The following KIF18A variants were observed in gnomAD, a reference collection of about 807,000 sequenced individuals.
KIF18A encodes the protein kinesin family member 18A.
A neutral mutation model predicts 103.3 loss-of-function variants in KIF18A; 67 were observed. The ratio of observed to expected loss-of-function variants is 0.65; its 90% CI spans 0.53 to 0.79. The LOEUF (loss-of-function observed/expected upper bound fraction) is 0.79, where lower values mean the gene tolerates loss of function less well. Among genes scored for constraint, KIF18A ranks in the 30% least tolerant of loss-of-function variants. The pLI, the probability that KIF18A is intolerant of heterozygous loss-of-function variation, is 0.00. For synonymous variants in KIF18A, 367 were observed against 355.5 expected, an observed-to-expected ratio of 1.03 and a Z score of -0.36; for missense variants, 1,032 against 1,062.5, an observed-to-expected ratio of 0.97 and a Z score of 0.40.
chr11:28,031,244 G>A (rs1191800962), intron 15 of KIF18A, among the ~76,000 whole-genome samples: 1 of 152,134 alleles, frequency 6.6e-6, no homozygotes. Context: ...TATGTTTATT[G>A]CGGCACTATT....
At chr11:28,077,612 C>T (rs758877847) in intron 9 of KIF18A, among the ~76,000 whole-genome samples, 6 of 152,096 alleles carry the variant, frequency 3.9e-5, no homozygotes, top group African/African-American at 9.7e-5. Context: ...GTTGGCTCAC[C>T]GTGAAGGAAT....
At chr11:28,104,651 A>G (rs576943310) in intron 1 of KIF18A, among the ~76,000 whole-genome samples, 1 of 152,262 alleles carries the variant, frequency 6.6e-6, no homozygotes, top group Non-Finnish European at 1.5e-5. Context: ...AGTATATGTT[A>G]TCTGGTTACA....
intron 15 of KIF18A, among the ~76,000 whole-genome samples, chr11:28,029,223 CAA>C (rs1850362857): frequency 6.6e-6 from 1 of 151,802 alleles, no homozygotes; most frequent in Non-Finnish European, 1.5e-5. Flanking sequence ...AGAGACACAA[CAA>C]AAAAAGAGAA....
At chr11:28,027,043 G>A (rs1353319501) in intron 15 of KIF18A, among the ~76,000 whole-genome samples, 1 of 151,804 alleles carries the variant, frequency 6.6e-6, no homozygotes, top group East Asian at 1.9e-4. Flanking sequence ...GACAAGGACA[G>A]ATATTAAATT....
intron 11 of KIF18A, among the ~76,000 whole-genome samples, chr11:28,065,080 T>C (rs991030905): frequency 1.3e-5 from 2 of 151,988 alleles, no homozygotes; most frequent in Non-Finnish European, 2.9e-5. Flanking sequence ...TAATGGGGCA[T>C]AGGAGTCTGC....
intron 1 of KIF18A, among the ~76,000 whole-genome samples, chr11:28,102,580 A>G (rs1293523795): frequency 6.6e-6 from 1 of 152,202 alleles, no homozygotes; most frequent in African/African-American, 2.4e-5. Flanking sequence ...AATATTTTAC[A>G]GAGTTTGACT....
At chr11:28,106,277 CAAT>C (rs1216167074) in intron 1 of KIF18A, among the ~76,000 whole-genome samples, 5 of 152,110 alleles carry the variant, frequency 3.3e-5, no homozygotes, top group African/African-American at 1.2e-4. Context: ...TGCTTCCAAA[CAAT>C]GATACAGAAG....
At chr11:28,078,120 A>T (rs1851119410) in intron 9 of KIF18A, among the ~76,000 whole-genome samples, 1 of 152,192 alleles carries the variant, frequency 6.6e-6, no homozygotes, top group Non-Finnish European at 1.5e-5. Context: ...TGCATTTAAA[A>T]AAAATGTTCT....
At chr11:28,039,250 T>C (rs1021732161) in intron 13 of KIF18A, among the ~76,000 whole-genome samples, 3 of 151,726 alleles carry the variant, frequency 2.0e-5, no homozygotes, top group Admixed American at 6.6e-5. Context: ...GAGTTGTAAT[T>C]TACTTTCCAA....
chr11:28,073,780 A>G (rs984560911), intron 10 of KIF18A, among the ~76,000 whole-genome samples: 9 of 152,150 alleles, frequency 5.9e-5, no homozygotes, highest in African/African-American at 2.2e-4. Context: ...GTATGTAAAT[A>G]ATTGAAGGAC....
chr11:28,070,959 T>C (rs1051710979), intron 10 of KIF18A, among the ~76,000 whole-genome samples: 1 of 152,192 alleles, frequency 6.6e-6, no homozygotes, highest in Non-Finnish European at 1.5e-5. Context: ...GAGGGGCTGA[T>C]GTGGGAGCAT....
At chr11:28,039,002 C>T (rs1850527341) in intron 13 of KIF18A, among the ~76,000 whole-genome samples, 1 of 151,598 alleles carries the variant, frequency 6.6e-6, no homozygotes. Flanking sequence ...TAGAAAACTA[C>T]ATGGAGGGTA....
chr11:28,065,008 T>C (rs1307188617), intron 11 of KIF18A, among the ~76,000 whole-genome samples: 1 of 151,990 alleles, frequency 6.6e-6, no homozygotes, highest in Non-Finnish European at 1.5e-5. Context: ...TTGGTTGCAG[T>C]GGAGAGAATG....
rs1851206804 is a variant in KIF18A, at chr11:28,084,819, A to C, written c.898-11T>G. On this transcript the variant is annotated splice_polypyrimidine_tract_variant and intron_variant, in intron 6 of 16. Coordinates refer to ENST00000263181, the MANE Select transcript of KIF18A (RefSeq NM_031217.4). Reference sequence around the variant, plus strand: ...ATGCTGATTCTTTCTCTGAAAGCACAAAAAAGAGATCTTATGTCATTTTCC... The same window carrying C: ...ATGCTGATTCTTTCTCTGAAAGCACCAAAAAGAGATCTTATGTCATTTTCC... The C allele has an allele frequency of 6.2e-7, 1 of 1,601,154 alleles. No homozygotes were observed. Among genetic ancestry groups the C allele is most frequent in the Non-Finnish European group, 8.5e-7 (1 of 1,170,972 alleles).
intron 5 of KIF18A, among the ~76,000 whole-genome samples, chr11:28,089,184 C>T (rs1851269906): frequency 6.6e-6 from 1 of 152,140 alleles, no homozygotes; most frequent in Non-Finnish European, 1.5e-5. Flanking sequence ...TCCCCCAAAC[C>T]TGTATATGTC....
intron 13 of KIF18A, among the ~76,000 whole-genome samples, chr11:28,045,484 T>C (rs931131702): frequency 2.0e-5 from 3 of 151,758 alleles, no homozygotes; most frequent in Non-Finnish European, 2.9e-5. Context: ...CTAATAAATG[T>C]TTTAAATAAT....
chr11:28,020,979 A>C lies in KIF18A; in HGVS notation c.*221T>G. The C allele has an allele frequency of 3.1e-6, 1 of 321,810 alleles. No homozygotes were observed. 19.9% of individuals were successfully genotyped at this position (321,810 alleles called of 1,614,324 possible). A position where few individuals can be genotyped will look rare whatever the true frequency, so the allele number is the denominator to read the frequency against. Reference sequence around the variant, plus strand: ...GGATTTTAAAAGGCAACAAATATTTAAAAAACTTAAAAGACAACCTTTTCT... The same window carrying C: ...GGATTTTAAAAGGCAACAAATATTTCAAAAACTTAAAAGACAACCTTTTCT... On this transcript the variant is annotated 3_prime_UTR_variant, in exon 17 of 17. Transcript: ENST00000263181.
At chr11:28,106,997 G>C (rs528087734) in intron 1 of KIF18A, among the ~76,000 whole-genome samples, 7 of 151,926 alleles carry the variant, frequency 4.6e-5, no homozygotes, top group African/African-American at 1.7e-4. Flanking sequence ...AATAGAAAAG[G>C]AGATTAATTA....
intron 13 of KIF18A, among the ~76,000 whole-genome samples, chr11:28,051,786 T>C (rs1850715518): frequency 6.6e-6 from 1 of 151,994 alleles, no homozygotes; most frequent in Admixed American, 6.6e-5. Context: ...TTAACAACTC[T>C]CGAATTTATG....
Sources: gnomAD v4.1 joint callset for allele counts (sites outside exome capture counted in the v4.1 genomes callset) on GRCh38, gnomAD v4.1.1 for gene constraint, MANE v1.5 for transcripts, NCBI Gene and HGNC (gene_info 2026-07-23, HGNC 2026-07-21) for gene names.